Variants in FMN1 observed in about 807,000 individuals in gnomAD.
FMN1 encodes the protein formin-1.
A neutral mutation model predicts 132.4 loss-of-function variants in FMN1; 110 were observed. That is an observed-to-expected ratio of 0.83 (90% CI 0.71 to 0.97). The LOEUF is 0.97. Among genes scored for constraint, FMN1 ranks in the 50% least tolerant of loss-of-function variants. The pLI, the probability that FMN1 is intolerant of heterozygous loss-of-function variation, is 0.00. For missense variants in FMN1, 1,792 were observed against 1,705.3 expected, an observed-to-expected ratio of 1.05 and a Z score of -0.90; for synonymous variants, 722 against 651.7, an observed-to-expected ratio of 1.11 and a Z score of -1.64.
intron 7 of FMN1, among the ~76,000 whole-genome samples, chr15:32,984,415 T>C (rs1215381843): frequency 6.6e-6 from 1 of 152,218 alleles, no homozygotes; most frequent in Non-Finnish European, 1.5e-5. Flanking sequence ...AGGGCTATTA[T>C]TCCATCAATA....
chr15:33,088,958 G>A lies in FMN1; in HGVS notation c.1884C>T (p.Gly628=), dbSNP rs777814401. The A allele has an allele frequency of 2.6e-6, 4 of 1,534,294 alleles. No homozygotes were observed. The highest frequency in any genetic ancestry group is 3.5e-6 in the Non-Finnish European group (4 of 1,146,416). Residue 628 remains glycine (G), a synonymous_variant, in exon 5 of 21, where the codon GGC becomes GGT. Coordinates refer to ENST00000616417, the MANE Select transcript of FMN1 (RefSeq NM_001277313.2). Reference sequence around the variant, plus strand: ...GCTCATTGAAGCCGTCCCAGGGAAAGCCCTCAGAGGAGATACCTAAACAAA... The same window carrying A: ...GCTCATTGAAGCCGTCCCAGGGAAAACCCTCAGAGGAGATACCTAAACAAA... The part of the protein sequence containing the change: ...HQSPPGISSE[G]FPWDGFNEQT...
intron 2 of FMN1, among the ~76,000 whole-genome samples, chr15:33,184,615 T>A (rs1241381586): frequency 1.3e-5 from 2 of 151,938 alleles, no homozygotes; most frequent in Non-Finnish European, 2.9e-5. Context: ...GCAATTCTTG[T>A]GCCTCAGCCT....
At chr15:32,866,536 A>G (rs1457197720) in intron 16 of FMN1, among the ~76,000 whole-genome samples, 2 of 152,230 alleles carry the variant, frequency 1.3e-5, no homozygotes, top group Non-Finnish European at 2.9e-5. Flanking sequence ...GAGCTAAACA[A>G]TAACAGCAAC....
At chr15:32,988,489 C>T (rs2033223778) in intron 7 of FMN1, among the ~76,000 whole-genome samples, 1 of 152,200 alleles carries the variant, frequency 6.6e-6, no homozygotes, top group South Asian at 2.1e-4. Context: ...CTCAGTACAA[C>T]TCACCATTAT....
intron 4 of FMN1, among the ~76,000 whole-genome samples, chr15:33,123,683 G>A (rs770838631): frequency 6.6e-6 from 1 of 152,282 alleles, no homozygotes; most frequent in South Asian, 2.1e-4. Flanking sequence ...AGTTTTCCAA[G>A]ACATGAACGT....
At chr15:33,043,672 G>A (rs956986730) in intron 6 of FMN1, among the ~76,000 whole-genome samples, 19 of 152,346 alleles carry the variant, frequency 1.2e-4, no homozygotes, top group African/African-American at 1.9e-4. Flanking sequence ...TGATGGCAGC[G>A]GCGGCCTATA....
chr15:32,821,149 A>AT (rs1246228900), intron 17 of FMN1, among the ~76,000 whole-genome samples: 2 of 141,116 alleles, frequency 1.4e-5, no homozygotes, highest in Non-Finnish European at 3.2e-5. Context: ...TTTCTAAGAG[A>AT]TAATCAGAGT....
At chr15:32,901,354 G>A (rs936836785) in intron 13 of FMN1, among the ~76,000 whole-genome samples, 1 of 152,190 alleles carries the variant, frequency 6.6e-6, no homozygotes, top group Non-Finnish European at 1.5e-5. Flanking sequence ...TATTTGTGGA[G>A]AAGAATAACG....
At chr15:32,903,656 G>A (rs573681963) in intron 12 of FMN1, among the ~76,000 whole-genome samples, 9 of 152,176 alleles carry the variant, frequency 5.9e-5, no homozygotes, top group Admixed American at 6.5e-5. Flanking sequence ...TCAATGCCTC[G>A]GCTCACCAAA....
intron 6 of FMN1, among the ~76,000 whole-genome samples, chr15:33,033,387 T>C (rs1328273594): frequency 6.6e-6 from 1 of 152,176 alleles, no homozygotes; most frequent in Non-Finnish European, 1.5e-5. Flanking sequence ...ACTGAAGAAC[T>C]TGCACATCCT....
Position 32,814,018 on chromosome 15 carries a change from G to C in FMN1, c.3929-9686C>G, listed in dbSNP as rs551189619. ...TACATCAGAGAGAAAGTTCCAAGATGGAATTTCAGCTTTCACGCTAAATTT... is the reference window on the plus strand; with the variant it reads ...TACATCAGAGAGAAAGTTCCAAGATCGAATTTCAGCTTTCACGCTAAATTT... On this transcript the variant is annotated intron_variant, in intron 17 of 20. Transcript: ENST00000616417. Among the ~76,000 whole-genome samples, 3 of 152,222 alleles carry C rather than the reference G, an allele frequency of 2.0e-5. No homozygotes were observed. The South Asian group carries it at 6.2e-4, about 32-fold the overall frequency.
chr15:32,897,953 T>C (rs1292566644), intron 15 of FMN1, among the ~76,000 whole-genome samples: 1 of 152,150 alleles, frequency 6.6e-6, no homozygotes, highest in Non-Finnish European at 1.5e-5. Flanking sequence ...ACTACGATAT[T>C]CTTAACAGAA....
At chr15:33,005,385 A>G (rs78438134) in intron 7 of FMN1, among the ~76,000 whole-genome samples, 2,531 of 152,300 alleles carry the variant, frequency 0.017, 74 homozygotes, top group African/African-American at 0.057. Flanking sequence ...TTAAAAATCT[A>G]AAGTATAGTT....
chr15:32,903,858 A>G (rs1340720039), intron 12 of FMN1, among the ~76,000 whole-genome samples: 1 of 152,176 alleles, frequency 6.6e-6, no homozygotes, highest in East Asian at 1.9e-4. Context: ...CTTGCACTGG[A>G]AAAGCTCTTA....
Position 32,863,796 on chromosome 15 carries a change from C to T in FMN1, c.3836-6689G>A, listed in dbSNP as rs2059332371. 2.0e-5 allele frequency among the ~76,000 whole-genome samples: 3 copies of T among 152,198 alleles called. No homozygotes were observed. In the South Asian group the frequency reaches 6.2e-4, roughly 32 times the overall value. On this transcript the variant is annotated intron_variant, in intron 16 of 20. Coordinates refer to ENST00000616417, the MANE Select transcript of FMN1 (RefSeq NM_001277313.2). ...GAAAAAGTGAATGTCCTTTTAGCTT[C>T]CTGCCCCCAAACACACTTTTATCAA...
chr15:33,015,790 A>AT (rs1468391885), intron 6 of FMN1, among the ~76,000 whole-genome samples: 1 of 152,190 alleles, frequency 6.6e-6, no homozygotes, highest in African/African-American at 2.4e-5. Context: ...CGGCAAGGTC[A>AT]TTTTTTGTAG....
At chr15:32,860,992 T>C (rs1311773802) in intron 16 of FMN1, among the ~76,000 whole-genome samples, 2 of 152,162 alleles carry the variant, frequency 1.3e-5, no homozygotes, top group African/African-American at 4.8e-5. Flanking sequence ...TCAATGAACA[T>C]TTGTGGCCAC....
At chr15:32,994,132 G>C (rs182354378) in intron 7 of FMN1, among the ~76,000 whole-genome samples, 1 of 151,854 alleles carries the variant, frequency 6.6e-6, no homozygotes, top group Non-Finnish European at 1.5e-5. Context: ...ATCAATTTGT[G>C]CTTTATCCAG....
At chr15:33,159,206 A>G (rs1207200723) in intron 3 of FMN1, among the ~76,000 whole-genome samples, 1 of 152,172 alleles carries the variant, frequency 6.6e-6, no homozygotes, top group African/African-American at 2.4e-5. Flanking sequence ...AAAATTAAAT[A>G]AAAAGATAGA....
Sources: allele counts gnomAD v4.1 joint callset (sites outside exome capture counted in the v4.1 genomes callset), GRCh38; gene constraint gnomAD v4.1.1; transcripts MANE v1.5; gene names NCBI Gene and HGNC (gene_info 2026-07-23, HGNC 2026-07-21).